PRKCA: variants seen among roughly 807,000 people sequenced by gnomAD.
PRKCA encodes the protein protein kinase C alpha type.
Under a neutral mutation model 87.0 loss-of-function variants are expected in PRKCA, and 27 were observed. The ratio of observed to expected loss-of-function variants is 0.31; its 90% CI spans 0.23 to 0.43. The LOEUF (loss-of-function observed/expected upper bound fraction) is 0.43. Ranked by LOEUF, PRKCA falls within the 20% of genes least tolerant of loss-of-function variation. The pLI, the probability that PRKCA is intolerant of heterozygous loss-of-function variation, is 1.00. For synonymous variants in PRKCA, 329 were observed against 311.1 expected (o/e 1.06, Z -0.61); for missense variants, 518 against 852.3 (o/e 0.61, Z 4.88).
intron 15 of PRKCA, among the ~76,000 whole-genome samples, chr17:66,787,675 C>G (rs1289300953): frequency 1.3e-5 from 2 of 152,168 alleles, no homozygotes; most frequent in African/African-American, 4.8e-5. Flanking sequence ...GTTTCCACCA[C>G]CCTGGAAGCC....
At chr17:66,569,375 C>T (rs1023000025) in intron 3 of PRKCA, among the ~76,000 whole-genome samples, 30 of 151,296 alleles carry the variant, frequency 2.0e-4, no homozygotes, top group African/African-American at 7.3e-4. Flanking sequence ...TTCAAGACAG[C>T]CTGGCCAACA....
chr17:66,393,303 G>A (rs567755082), intron 2 of PRKCA, among the ~76,000 whole-genome samples: 3 of 152,102 alleles, frequency 2.0e-5, no homozygotes, highest in Non-Finnish European at 4.4e-5. Flanking sequence ...ACACATCTTC[G>A]AGCAGCCCCA....
chr17:66,521,093 C>T (rs1009210915), intron 3 of PRKCA, among the ~76,000 whole-genome samples: 2 of 151,988 alleles, frequency 1.3e-5, no homozygotes. Context: ...AACCAAACTG[C>T]AGCTCCAACT....
At chr17:66,341,640 G>A (rs1165713813) in intron 2 of PRKCA, among the ~76,000 whole-genome samples, 1 of 152,198 alleles carries the variant, frequency 6.6e-6, no homozygotes, top group Non-Finnish European at 1.5e-5. Flanking sequence ...ACTGTTTTCA[G>A]ATGTTTCATA....
At chr17:66,552,511 T>C (rs1968368652) in intron 3 of PRKCA, among the ~76,000 whole-genome samples, 1 of 152,202 alleles carries the variant, frequency 6.6e-6, no homozygotes, top group African/African-American at 2.4e-5. Context: ...AGCCTGCTCA[T>C]GTGATGGCAG....
At chr17:66,518,036 C>T (rs1002315091) in intron 3 of PRKCA, among the ~76,000 whole-genome samples, 2 of 152,024 alleles carry the variant, frequency 1.3e-5, no homozygotes, top group Non-Finnish European at 2.9e-5. Flanking sequence ...GTGAAATAAC[C>T]TTACCTCCCA....
At chr17:66,625,213 G>A (rs574043007) in intron 3 of PRKCA, among the ~76,000 whole-genome samples, 1 of 152,292 alleles carries the variant, frequency 6.6e-6, no homozygotes, top group East Asian at 1.9e-4. Flanking sequence ...GCTTAACAAA[G>A]AATGATAGAA....
At chr17:66,459,206 CA>C (rs35784459) in intron 2 of PRKCA, among the ~76,000 whole-genome samples, 4,240 of 129,542 alleles carry the variant, frequency 0.033, 98 homozygotes, top group African/African-American at 0.081. Context: ...ATCCCTGTCT[CA>C]AAAAAAAAAA....
chr17:66,351,785 G>A (rs1272904383), intron 2 of PRKCA, among the ~76,000 whole-genome samples: 8 of 152,120 alleles, frequency 5.3e-5, no homozygotes, highest in Non-Finnish European at 1.2e-4. Flanking sequence ...ATGGGGAGAA[G>A]GGCAGGAAAT....
At chr17:66,369,725 G>A (rs957055678) in intron 2 of PRKCA, among the ~76,000 whole-genome samples, 6 of 152,168 alleles carry the variant, frequency 3.9e-5, no homozygotes, top group East Asian at 1.9e-4. Flanking sequence ...GATGGGTGGC[G>A]TGATGGCCCA....
At chr17:66,567,261 T>G (rs1968930989) in intron 3 of PRKCA, among the ~76,000 whole-genome samples, 1 of 152,118 alleles carries the variant, frequency 6.6e-6, no homozygotes, top group Non-Finnish European at 1.5e-5. Flanking sequence ...AGGAAACAGG[T>G]GCCGAGGTGA....
intron 2 of PRKCA, among the ~76,000 whole-genome samples, chr17:66,457,209 C>G (rs1055817581): frequency 6.6e-6 from 1 of 152,098 alleles, no homozygotes; most frequent in South Asian, 2.1e-4. Context: ...TCCAAGAGAA[C>G]TTAAGAGTTC....
intron 3 of PRKCA, among the ~76,000 whole-genome samples, chr17:66,586,162 A>G (rs1969590444): frequency 6.6e-6 from 1 of 152,170 alleles, no homozygotes. Flanking sequence ...ATGGCACCAT[A>G]ACCTTGTTGA....
intron 3 of PRKCA, among the ~76,000 whole-genome samples, chr17:66,593,574 T>G (rs970610711): frequency 2.0e-5 from 3 of 151,876 alleles, no homozygotes; most frequent in African/African-American, 7.3e-5. Flanking sequence ...GGAGGAGGGG[T>G]TCCTATCACT....
chr17:66,609,337 C>T (rs1182949757), intron 3 of PRKCA, among the ~76,000 whole-genome samples: 1 of 152,104 alleles, frequency 6.6e-6, no homozygotes, highest in Non-Finnish European at 1.5e-5. Flanking sequence ...TGTGAGGCCA[C>T]TGGTAAATGA....
At chr17:66,678,593 C>G (rs1484692547) in intron 5 of PRKCA, among the ~76,000 whole-genome samples, 1 of 151,894 alleles carries the variant, frequency 6.6e-6, no homozygotes, top group African/African-American at 2.4e-5. Flanking sequence ...CTGGCAGGCA[C>G]CCCACACCTT....
chr17:66,656,150 GT>G (rs1386945577), intron 5 of PRKCA, among the ~76,000 whole-genome samples: 1 of 152,188 alleles, frequency 6.6e-6, no homozygotes, highest in Non-Finnish European at 1.5e-5. Flanking sequence ...AGTTGCCAGT[GT>G]CATTTCCTTC....
chr17:66,629,680 G>C (rs1471406664), intron 3 of PRKCA, among the ~76,000 whole-genome samples: 1 of 151,614 alleles, frequency 6.6e-6, no homozygotes, highest in Non-Finnish European at 1.5e-5. Flanking sequence ...AACATTATTT[G>C]GTGCTAAAAA....
intron 2 of PRKCA, among the ~76,000 whole-genome samples, chr17:66,436,815 CTG>C (rs1386060220): frequency 1.3e-5 from 2 of 152,120 alleles, no homozygotes; most frequent in Non-Finnish European, 2.9e-5. Context: ...AATCGAGAGA[CTG>C]TGTTGTCATG....
Sources: allele counts gnomAD v4.1 joint callset (sites outside exome capture counted in the v4.1 genomes callset), GRCh38; gene constraint gnomAD v4.1.1; transcripts MANE v1.5; gene names NCBI Gene and HGNC (gene_info 2026-07-23, HGNC 2026-07-21).